UTRN: variants seen among roughly 807,000 people sequenced by gnomAD.
The protein encoded by UTRN is dystrophin-related protein 1.
Under a neutral mutation model 463.9 loss-of-function variants are expected in UTRN, and 283 were observed. The observed-to-expected ratio is 0.61, with a 90% CI of 0.55 to 0.67. The LOEUF (loss-of-function observed/expected upper bound fraction) is 0.67. UTRN is among the 30% of genes least tolerant of loss of function. UTRN has a pLI of 0.00. For missense variants in UTRN, 3,922 were observed against 4,084.3 expected, an observed-to-expected ratio of 0.96 and a Z score of 1.08; for synonymous variants, 1,442 against 1,431.5, an observed-to-expected ratio of 1.01 and a Z score of -0.17.
chr6:144,538,919 A>G (rs1210391292), intron 44 of UTRN, among the ~76,000 whole-genome samples: 1 of 152,216 alleles, frequency 6.6e-6, no homozygotes, highest in Non-Finnish European at 1.5e-5. Flanking sequence ...TTTTTTGGGA[A>G]TGTCTCTTTT....
intron 2 of UTRN, among the ~76,000 whole-genome samples, chr6:144,327,977 G>A (rs1390995287): frequency 6.6e-6 from 1 of 151,788 alleles, no homozygotes; most frequent in Non-Finnish European, 1.5e-5. Flanking sequence ...AAAGCAAAAC[G>A]AAACAAAAAA....
intron 54 of UTRN, among the ~76,000 whole-genome samples, chr6:144,737,090 T>C (rs1039935620): frequency 6.6e-6 from 1 of 152,112 alleles, no homozygotes; most frequent in Non-Finnish European, 1.5e-5. Context: ...CCCTTCCCTC[T>C]TTTTTTAGTG....
intron 1 of UTRN, 95 bp from the exon 2 acceptor site, chr6:144,291,642 C>T (rs988290887): frequency 2.5e-5 from 11 of 432,410 alleles, no homozygotes; most frequent in African/African-American, 2.0e-4. Context: ...GGTAGGCACT[C>T]AATAAATATT....
At chr6:144,819,811 C>G (rs1215258749) in intron 65 of UTRN, among the ~76,000 whole-genome samples, 2 of 151,884 alleles carry the variant, frequency 1.3e-5, no homozygotes, top group African/African-American at 2.4e-5. Flanking sequence ...AGCAAATATA[C>G]TTATCATTCA....
intron 2 of UTRN, among the ~76,000 whole-genome samples, chr6:144,380,208 TA>T: frequency 6.6e-6 from 1 of 152,094 alleles, no homozygotes; most frequent in Non-Finnish European, 1.5e-5. Flanking sequence ...GTCCAGACAA[TA>T]AAATACCTAT....
At chr6:144,755,696 T>C (rs960769621) in intron 57 of UTRN, among the ~76,000 whole-genome samples, 3 of 152,180 alleles carry the variant, frequency 2.0e-5, no homozygotes, top group African/African-American at 7.2e-5. Context: ...GCAATTTGTT[T>C]CATTTAATTC....
chr6:144,439,936 C>T (rs1298562011), intron 12 of UTRN, among the ~76,000 whole-genome samples: 1 of 152,168 alleles, frequency 6.6e-6, no homozygotes. Context: ...TATCGTGTAG[C>T]ATTCTACTTA....
intron 2 of UTRN, among the ~76,000 whole-genome samples, chr6:144,358,564 A>G (rs192219533): frequency 6.6e-6 from 1 of 152,308 alleles, no homozygotes; most frequent in East Asian, 1.9e-4. Flanking sequence ...TTTATTCCTA[A>G]TTTCTTAATA....
At chr6:144,396,073 T>C (rs1782377908) in intron 2 of UTRN, among the ~76,000 whole-genome samples, 1 of 152,224 alleles carries the variant, frequency 6.6e-6, no homozygotes. Flanking sequence ...CAGATACTTG[T>C]ACACCAGTGT....
intron 51 of UTRN, among the ~76,000 whole-genome samples, chr6:144,579,615 A>G (rs1339755328): frequency 6.6e-6 from 1 of 152,242 alleles, no homozygotes; most frequent in Non-Finnish European, 1.5e-5. Flanking sequence ...AGACAAATGT[A>G]AATAGAAATG....
intron 2 of UTRN, among the ~76,000 whole-genome samples, chr6:144,347,356 A>G (rs1036500063): frequency 1.3e-5 from 2 of 152,228 alleles, no homozygotes; most frequent in Non-Finnish European, 2.9e-5. Flanking sequence ...AGGGGAATGT[A>G]TTCGTCCCCC....
intron 55 of UTRN, among the ~76,000 whole-genome samples, chr6:144,750,529 A>C (rs1791277565): frequency 6.6e-6 from 1 of 152,180 alleles, no homozygotes; most frequent in Non-Finnish European, 1.5e-5. Context: ...AAAGAGACTT[A>C]AAGAGCCTCC....
intron 9 of UTRN, among the ~76,000 whole-genome samples, chr6:144,434,809 G>T (rs1355734034): frequency 6.6e-6 from 1 of 152,206 alleles, no homozygotes; most frequent in Non-Finnish European, 1.5e-5. Flanking sequence ...AGGGAAACAA[G>T]CTTCTGAAAG....
chr6:144,577,105 T>C lies in UTRN; in HGVS notation c.7296T>C (p.Ala2432=), dbSNP rs1485857290. The part of the protein sequence containing the change: ...TSWINLKQSI[A]DRQNALEAEW... Reference sequence around the variant, plus strand: ...GTCATATTGTTACTTTCAGTATTGCTGACAGACAGAACGCCTTGGAGGCTG... The same window carrying C: ...GTCATATTGTTACTTTCAGTATTGCCGACAGACAGAACGCCTTGGAGGCTG... The change falls in exon 51 of 75, where the codon GCT becomes GCC. Residue 2432 remains alanine, a synonymous_variant. Coordinates refer to ENST00000367545, the MANE Select transcript of UTRN (RefSeq NM_007124.3). 8.1e-6 allele frequency: 13 copies of C among 1,613,416 alleles called. No individual in the cohort carries two copies. Among genetic ancestry groups the C allele is most frequent in the African/African-American group, 1.3e-5 (1 of 75,020 alleles).
In UTRN at chr6:144,440,443, C is replaced by A. The variant is rs750441894; in HGVS notation, c.1484C>A (p.Ala495Asp). The change falls in exon 13 of 75, where the codon GCT becomes GAT. Residue 495 changes from alanine (A) to aspartate (D), a missense_variant. Transcript: ENST00000367545. ...VIVDENSGES[A>D]TAILEDQLQK... ...GTTGATGAAAACAGTGGTGAGAGTGCTACAGCTATCCTAGAAGACCAGTTA... is the reference window on the plus strand; with the variant it reads ...GTTGATGAAAACAGTGGTGAGAGTGATACAGCTATCCTAGAAGACCAGTTA... 7.4e-6 allele frequency: 12 copies of A among 1,614,034 alleles called. No individual in the cohort carries two copies. The South Asian group carries it at 1.3e-4, about 18-fold the overall frequency.
At position 144,730,452 on chromosome 6, in the gene UTRN, T is replaced by A; in HGVS notation, c.7905T>A (p.Pro2635=). The A allele has an allele frequency of 6.2e-7, 1 of 1,610,720 alleles. No homozygotes were observed. The highest frequency in any genetic ancestry group is 1.1e-5 in the South Asian group (1 of 90,728). The stretch of plus-strand genomic sequence containing the variant: ...TGGCTGATCAGCCAATTGAGGCCCC[T>A]GAAGAGCCAAGAAGAAACCTACAAT... ...VFLADQPIEA[P]EEPRRNLQSK... The change falls in exon 54 of 75, where the codon CCT becomes CCA. Residue 2635 remains proline, a synonymous_variant. Coordinates refer to ENST00000367545, the MANE Select transcript of UTRN (RefSeq NM_007124.3).
intron 2 of UTRN, among the ~76,000 whole-genome samples, chr6:144,308,464 A>AT (rs1183208583): frequency 2.0e-5 from 3 of 150,728 alleles, no homozygotes; most frequent in East Asian, 2.0e-4. Flanking sequence ...TAATTTTTGT[A>AT]TTTTTTTTTG....
At chr6:144,321,269 T>TATAC (rs1208568273) in intron 2 of UTRN, among the ~76,000 whole-genome samples, 1 of 152,148 alleles carries the variant, frequency 6.6e-6, no homozygotes, top group Non-Finnish European at 1.5e-5. Context: ...TGTTTGTCTA[T>TATAC]ATACATACAT....
At chr6:144,826,563 G>T (rs548084883) in intron 66 of UTRN, among the ~76,000 whole-genome samples, 1 of 152,084 alleles carries the variant, frequency 6.6e-6, no homozygotes, top group Admixed American at 6.6e-5. Context: ...GGAGACTTGG[G>T]AATTCTTCCT....
Sources: gnomAD v4.1 joint callset for allele counts (sites outside exome capture counted in the v4.1 genomes callset) on GRCh38, gnomAD v4.1.1 for gene constraint, MANE v1.5 for transcripts, NCBI Gene and HGNC (gene_info 2026-07-23, HGNC 2026-07-21) for gene names.